The following SULT2B1 variants were observed in gnomAD, a reference collection of about 807,000 sequenced individuals.
SULT2B1 encodes the protein sulfotransferase family 2B member 1.
Under a neutral mutation model 33.2 loss-of-function variants are expected in SULT2B1, and 16 were observed. That is an observed-to-expected ratio of 0.48 (90% CI 0.33 to 0.73). The LOEUF (loss-of-function observed/expected upper bound fraction) is 0.73, where lower values mean the gene tolerates loss of function less well. Ranked by LOEUF, SULT2B1 falls within the 30% of genes least tolerant of loss-of-function variation. The pLI is 0.02. For missense variants in SULT2B1, 500 were observed against 506.0 expected, an observed-to-expected ratio of 0.99 and a Z score of 0.11; for synonymous variants, 186 against 200.5, an observed-to-expected ratio of 0.93 and a Z score of 0.61.
intron 3 of SULT2B1, among the ~76,000 whole-genome samples, chr19:48,587,882 G>A (rs1161866060): frequency 9.5e-6 from 1 of 105,234 alleles, no homozygotes; most frequent in Non-Finnish European, 1.8e-5. Flanking sequence ...AACAGGGCAA[G>A]ACTGTCTCAA....
Position 48,568,745 on chromosome 19 carries a change from C to T in SULT2B1, c.72-7196C>T, listed in dbSNP as rs555258138. On this transcript the variant is annotated intron_variant, in intron 1 of 6. Coordinates refer to ENST00000201586, the MANE Select transcript of SULT2B1 (RefSeq NM_177973.2). ...TCTCCAAAGGCGAGTTGATCACAGACGCTGGCAGTGAGTCAGCGGCACCGC... is the reference window on the plus strand; with the variant it reads ...TCTCCAAAGGCGAGTTGATCACAGATGCTGGCAGTGAGTCAGCGGCACCGC... Among the ~76,000 whole-genome samples the T allele has an allele frequency of 9.9e-5, 15 of 152,282 alleles. No homozygotes were observed. The South Asian group carries it at 2.5e-3, about 25-fold the overall frequency.
chr19:48,564,117 G>T (rs2147601285), intron 1 of SULT2B1, among the ~76,000 whole-genome samples: 1 of 151,860 alleles, frequency 6.6e-6, no homozygotes, highest in African/African-American at 2.4e-5. Context: ...GTGGTGGCAG[G>T]TGCCTGAAGT....
At chr19:48,562,074 A>C (rs1443590549) in intron 1 of SULT2B1, among the ~76,000 whole-genome samples, 1 of 151,988 alleles carries the variant, frequency 6.6e-6, no homozygotes, top group East Asian at 1.9e-4. Flanking sequence ...AACATGGCGA[A>C]ACCCTGTCTC....
In SULT2B1 at chr19:48,576,354, C is replaced by CT. The variant is rs879507532; in HGVS notation, c.214+273dup. On this transcript the variant is annotated intron_variant, in intron 2 of 6. Transcript: ENST00000201586. ...TCCTCCCTTTCCCCTTTACCCTCTACTTCTCTTTTTTTTTTTTTTTTTTGT... is the reference window on the plus strand; with the variant it reads ...TCCTCCCTTTCCCCTTTACCCTCTACTTTCTCTTTTTTTTTTTTTTTTTTGT... Among the ~76,000 whole-genome samples the CT allele has an allele frequency of 6.9e-4, 55 of 79,880 alleles. 6 individuals carry two copies. The highest frequency in any genetic ancestry group is 0.011 in the Middle Eastern group (2 of 178). The allele number at this position is 79,880 out of a possible 152,430, so 52.4% of individuals were successfully genotyped here. A position where few individuals can be genotyped will look rare whatever the true frequency, so the allele number is the denominator to read the frequency against.
intron 6 of SULT2B1, among the ~76,000 whole-genome samples, chr19:48,597,904 G>T (rs1973742370): frequency 6.6e-6 from 1 of 151,954 alleles, no homozygotes; most frequent in Admixed American, 6.6e-5. Flanking sequence ...AAAGTGCTGG[G>T]ATTATAGGTG....
rs1377134257 is a variant in SULT2B1 at position 48,552,882 on chromosome 19, G to A, written c.71+559G>A. On this transcript the variant is annotated intron_variant, in intron 1 of 6. Transcript: ENST00000201586. This position sits in a 1 kb window ranked among gnomAD's most constrained non-coding sequence, Gnocchi z 4.8. Reference sequence around the variant, plus strand: ...GGCAGAGCACTGCCCACTTCCATGAGCTCAGCGTGACTCCCTCTTCCTGGG... The same window carrying A: ...GGCAGAGCACTGCCCACTTCCATGAACTCAGCGTGACTCCCTCTTCCTGGG... Among the ~76,000 whole-genome samples the A allele has an allele frequency of 6.6e-6, 1 of 152,100 alleles. No individual in the cohort carries two copies. The highest frequency in any genetic ancestry group is 2.4e-5 in the African/African-American group (1 of 41,414).
chr19:48,568,814 G>A (rs913619342), intron 1 of SULT2B1, among the ~76,000 whole-genome samples: 2 of 152,134 alleles, frequency 1.3e-5, no homozygotes, highest in African/African-American at 4.8e-5. Flanking sequence ...TCGCATTCCT[G>A]GAAGGGTGGG....
In SULT2B1 at chr19:48,575,993, G is replaced by C. The variant is rs145371861; in HGVS notation, c.124G>C (p.Gly42Arg). The C allele has an allele frequency of 5.6e-6, 9 of 1,613,782 alleles. No homozygotes were observed. Among genetic ancestry groups the C allele is most frequent in the Non-Finnish European group, 7.6e-6 (9 of 1,179,944 alleles). Residue 42 changes from glycine (G) to arginine (R), a missense_variant, in exon 2 of 7, where the codon GGC becomes CGC. Gly to Arg is a moderately radical substitution (Grantham distance 125). Coordinates refer to ENST00000201586, the MANE Select transcript of SULT2B1 (RefSeq NM_177973.2). ...FRYKGVPFPV[G>R]LYSLESISLA... Reference sequence around the variant, plus strand: ...GTACAAGGGCGTCCCCTTCCCCGTCGGCCTGTACTCGCTCGAGAGCATCAG... The same window carrying C: ...GTACAAGGGCGTCCCCTTCCCCGTCCGCCTGTACTCGCTCGAGAGCATCAG...
chr19:48,588,624 A>G (rs751479565), intron 3 of SULT2B1, among the ~76,000 whole-genome samples: 3 of 151,086 alleles, frequency 2.0e-5, no homozygotes, highest in Non-Finnish European at 4.4e-5. Flanking sequence ...ACATAATGCA[A>G]TATAATATAA....
intron 1 of SULT2B1, among the ~76,000 whole-genome samples, chr19:48,569,374 ATATATATATATATATATATATATAT>A (rs1601093280): frequency 2.7e-4 from 4 of 14,900 alleles, no homozygotes; most frequent in South Asian, 2.9e-3. Context: ...ATATATATAT[ATATATATATATATATATATATATAT>A]GATAAATTTT....
At chr19:48,558,467 G>GGCCGA in intron 1 of SULT2B1, among the ~76,000 whole-genome samples, 1 of 151,840 alleles carries the variant, frequency 6.6e-6, no homozygotes, top group East Asian at 2.0e-4. Context: ...GAGAGCTGCG[G>GGCCGA]TGGCCGCTCC....
chr19:48,565,555 T>G (rs916401007), intron 1 of SULT2B1, among the ~76,000 whole-genome samples: 2 of 151,876 alleles, frequency 1.3e-5, no homozygotes, highest in Non-Finnish European at 2.9e-5. Flanking sequence ...AATTTTTGTA[T>G]TTTTAGTAGA....
At chr19:48,553,810 G>T (rs964908369) in intron 1 of SULT2B1, among the ~76,000 whole-genome samples, 1 of 152,200 alleles carries the variant, frequency 6.6e-6, no homozygotes, top group Non-Finnish European at 1.5e-5. Context: ...GCCCAGTTCT[G>T]CGTGAGGGAG....
At position 48,596,835 on chromosome 19, in the gene SULT2B1, G is replaced by T; in HGVS notation, c.742G>T (p.Ala248Ser). ...GSVVAHSTFS[A>S]MKANTMSNYT... The stretch of plus-strand genomic sequence containing the variant: ...CGTCGTGGCACACTCAACCTTCAGC[G>T]CCATGAAGGCCAACACCATGTCCAA... Residue 248 changes from alanine (A) to serine (S), a missense_variant, in exon 6 of 7, where the codon GCC becomes TCC. Transcript: ENST00000201586. 14 of 1,609,646 alleles carry T rather than the reference G, an allele frequency of 8.7e-6. No homozygotes were observed. Among genetic ancestry groups the T allele is most frequent in the Admixed American group, 1.7e-5 (1 of 59,962 alleles).
intron 5 of SULT2B1, among the ~76,000 whole-genome samples, chr19:48,593,355 C>A (rs558427238): frequency 6.6e-6 from 1 of 152,040 alleles, no homozygotes; most frequent in African/African-American, 2.4e-5. Flanking sequence ...AGTTCAAGAC[C>A]AGCCTGGCCA....
intron 1 of SULT2B1, among the ~76,000 whole-genome samples, chr19:48,556,451 G>A (rs1238455149): frequency 6.6e-6 from 1 of 152,000 alleles, no homozygotes; most frequent in East Asian, 1.9e-4. Flanking sequence ...GGGAGTGCTG[G>A]GAAAGGGAAT....
In SULT2B1 at chr19:48,596,759, G is replaced by A. The variant is rs760562701; in HGVS notation, c.666G>A (p.Glu222=). Residue 222 remains glutamate, a synonymous_variant, in exon 6 of 7, where the codon GAG becomes GAA. Transcript: ENST00000201586. ...ELQQDLQGSV[E]RICGFLGRPL... ...TGCAGGACTTACAGGGCTCCGTGGA[G>A]CGCATCTGTGGGTTCCTGGGCCGTC... is the stretch of plus-strand genomic sequence containing the variant. The A allele has an allele frequency of 1.3e-5, 21 of 1,606,394 alleles. No homozygotes were observed. Among genetic ancestry groups the A allele is most frequent in the East Asian group, 6.7e-5 (3 of 44,868 alleles).
At chr19:48,583,947 A>G (rs200990791) in intron 2 of SULT2B1, among the ~76,000 whole-genome samples, 2 of 152,134 alleles carry the variant, frequency 1.3e-5, no homozygotes, top group East Asian at 3.8e-4. Context: ...CCCTGTCTCT[A>G]CTAAAAATAC....
At chr19:48,578,112 CT>C (rs1192423191) in intron 2 of SULT2B1, among the ~76,000 whole-genome samples, 1 of 151,978 alleles carries the variant, frequency 6.6e-6, no homozygotes, top group African/African-American at 2.4e-5. Flanking sequence ...ACTTGGGAGG[CT>C]GAGGCAGGAG....
Sources: gnomAD v4.1 joint callset for allele counts (sites outside exome capture counted in the v4.1 genomes callset) on GRCh38, gnomAD v4.1.1 for gene constraint, Gnocchi (gnomAD v3.1) non-coding constraint, MANE v1.5 for transcripts, NCBI Gene and HGNC (gene_info 2026-07-23, HGNC 2026-07-21) for gene names.